Variants in ELMO1 observed in about 807,000 individuals in gnomAD.
ELMO1 encodes the protein engulfment and cell motility 1, also known as engulfment and cell motility protein 1.
In ELMO1, 26 loss-of-function variants were observed where a neutral mutation model predicts 98.9. That is an observed-to-expected ratio of 0.26 (90% CI 0.19 to 0.36). ELMO1 has a LOEUF of 0.36. Ranked by LOEUF, ELMO1 falls within the 10% of genes least tolerant of loss-of-function variation. The probability of loss-of-function intolerance (pLI) is 1.00; values close to 1 mark genes in which losing one functional copy is unlikely to be tolerated. For synonymous variants in ELMO1, 346 were observed against 346.0 expected (o/e 1.00, Z 0.00); for missense variants, 627 against 935.2 (o/e 0.67, Z 4.30).
At chr7:37,327,428 T>G (rs1047493946) in intron 2 of ELMO1, among the ~76,000 whole-genome samples, 2 of 152,196 alleles carry the variant, frequency 1.3e-5, no homozygotes, top group African/African-American at 4.8e-5. Flanking sequence ...AGAGTAGATA[T>G]GAGAAAGCCA....
chr7:37,341,769 G>A lies in ELMO1; in HGVS notation c.78+844C>T, dbSNP rs190325059. Reference sequence around the variant, plus strand: ...AGAACATAAAGATTGGAGTTGCCATGGTTATTGTAATTTTGAAAATGTAGA... The same window carrying A: ...AGAACATAAAGATTGGAGTTGCCATAGTTATTGTAATTTTGAAAATGTAGA... On this transcript the variant is annotated intron_variant, in intron 2 of 21. Transcript: ENST00000310758. Among the ~76,000 whole-genome samples the A allele has an allele frequency of 1.8e-4, 27 of 152,266 alleles. No individual in the cohort carries two copies. In the East Asian group the frequency reaches 5.2e-3, roughly 29 times the overall value.
At chr7:37,423,422 A>T (rs1017694820) in intron 1 of ELMO1, among the ~76,000 whole-genome samples, 1 of 152,178 alleles carries the variant, frequency 6.6e-6, no homozygotes, top group Non-Finnish European at 1.5e-5. Context: ...TCTACTAAAA[A>T]TACAAAAATT....
intron 1 of ELMO1, among the ~76,000 whole-genome samples, chr7:37,408,166 G>A (rs1803852054): frequency 1.3e-5 from 2 of 152,006 alleles, no homozygotes; most frequent in African/African-American, 4.8e-5. Context: ...ATGCAGCAAG[G>A]GTTCAATAAA....
chr7:36,952,672 G>A (rs144944501), intron 16 of ELMO1, among the ~76,000 whole-genome samples: 158 of 152,276 alleles, frequency 1.0e-3, no homozygotes, highest in African/African-American at 3.2e-3. Flanking sequence ...AGCGGGAATT[G>A]TAATGATGCT....
chr7:37,125,053 C>G (rs966995690), intron 14 of ELMO1, among the ~76,000 whole-genome samples: 3 of 151,850 alleles, frequency 2.0e-5, no homozygotes, highest in Admixed American at 6.6e-5. Context: ...CCCTATTTAA[C>G]AAATGGTGCT....
intron 16 of ELMO1, among the ~76,000 whole-genome samples, chr7:36,967,971 T>C (rs938737763): frequency 2.6e-5 from 4 of 152,232 alleles, no homozygotes; most frequent in African/African-American, 9.7e-5. Flanking sequence ...ATTTTTGTTT[T>C]AGTAAGTTTA....
rs565394061 is a variant in ELMO1 at position 37,191,788 on chromosome 7, C to T, written c.1086+19598G>A. On this transcript the variant is annotated intron_variant, in intron 13 of 21. Transcript: ENST00000310758. The stretch of plus-strand genomic sequence containing the variant: ...CAAAAATTAGCTGGGCATGGTGGCA[C>T]GAACCTGTAATCCCAGCTACTCAGG... Among the ~76,000 whole-genome samples the T allele has an allele frequency of 4.0e-4, 61 of 152,130 alleles. No individual in the cohort carries two copies. In the South Asian group the frequency reaches 4.8e-3, roughly 12 times the overall value.
intron 16 of ELMO1, among the ~76,000 whole-genome samples, chr7:36,951,480 C>G (rs1350493767): frequency 6.6e-6 from 1 of 152,228 alleles, no homozygotes. Flanking sequence ...CTTCCCATCA[C>G]GTAGCCTTAA....
intron 6 of ELMO1, among the ~76,000 whole-genome samples, chr7:37,257,193 G>A (rs1795711087): frequency 6.6e-6 from 1 of 152,172 alleles, no homozygotes; most frequent in African/African-American, 2.4e-5. Context: ...TCACACCAGA[G>A]AGCAAGCTCC....
intron 16 of ELMO1, among the ~76,000 whole-genome samples, chr7:36,914,137 T>C (rs940926172): frequency 2.0e-5 from 3 of 152,226 alleles, no homozygotes; most frequent in Non-Finnish European, 4.4e-5. Context: ...ATAAGAGCCC[T>C]GGCTTCACAC....
intron 4 of ELMO1, among the ~76,000 whole-genome samples, chr7:37,294,335 T>C (rs1583480511): frequency 1.4e-5 from 2 of 145,360 alleles, no homozygotes; most frequent in African/African-American, 5.1e-5. Flanking sequence ...CCAGCCTAGG[T>C]GACTGAGCGA....
chr7:37,185,151 G>A (rs1409524781), intron 13 of ELMO1, among the ~76,000 whole-genome samples: 1 of 152,164 alleles, frequency 6.6e-6, no homozygotes, highest in Admixed American at 6.5e-5. Context: ...TAAATGCAAA[G>A]GATCGACAGA....
chr7:37,108,427 T>C (rs1785057806), intron 14 of ELMO1, among the ~76,000 whole-genome samples: 1 of 152,102 alleles, frequency 6.6e-6, no homozygotes, highest in Non-Finnish European at 1.5e-5. Context: ...AATAAAACCT[T>C]ATGTATGGTT....
At chr7:37,192,830 A>T (rs188229923) in intron 13 of ELMO1, among the ~76,000 whole-genome samples, 5 of 146,780 alleles carry the variant, frequency 3.4e-5, no homozygotes, top group East Asian at 2.0e-4. Context: ...GTGTGTGTAT[A>T]TATGTATATA....
chr7:37,230,156 T>C (rs1794089097), intron 8 of ELMO1, among the ~76,000 whole-genome samples: 1 of 152,170 alleles, frequency 6.6e-6, no homozygotes, highest in African/African-American at 2.4e-5. Context: ...AGAAATGTAT[T>C]AAGACCTTAC....
chr7:37,153,579 G>C (rs1375250559), intron 13 of ELMO1, among the ~76,000 whole-genome samples: 1 of 152,180 alleles, frequency 6.6e-6, no homozygotes, highest in Non-Finnish European at 1.5e-5. Flanking sequence ...GCCTGGCAGG[G>C]GGAGGGGTGT....
At chr7:37,236,653 G>A (rs1794483263) in intron 7 of ELMO1, among the ~76,000 whole-genome samples, 1 of 152,126 alleles carries the variant, frequency 6.6e-6, no homozygotes, top group East Asian at 1.9e-4. Flanking sequence ...CATTAGGACC[G>A]GTTGCTGGGT....
chr7:37,155,703 A>C (rs1489363888), intron 13 of ELMO1, among the ~76,000 whole-genome samples: 1 of 152,180 alleles, frequency 6.6e-6, no homozygotes, highest in Non-Finnish European at 1.5e-5. Flanking sequence ...AAAGAGACTC[A>C]GACTCCCACT....
intron 1 of ELMO1, among the ~76,000 whole-genome samples, chr7:37,425,458 TTA>T (rs1305964276): frequency 6.6e-6 from 1 of 152,200 alleles, no homozygotes; most frequent in African/African-American, 2.4e-5. Context: ...ATCATGATAG[TTA>T]TCGAGAATTA....
Sources: allele counts gnomAD v4.1 joint callset (sites outside exome capture counted in the v4.1 genomes callset), GRCh38; gene constraint gnomAD v4.1.1; transcripts MANE v1.5; gene names NCBI Gene and HGNC (gene_info 2026-07-23, HGNC 2026-07-21).